TNPO2: variants seen among roughly 807,000 people sequenced by gnomAD.
TNPO2 encodes the protein transportin 2.
TNPO2 carries 16 observed loss-of-function variants against 111.1 expected under a neutral mutation model. The ratio of observed to expected loss-of-function variants is 0.14; its 90% CI spans 0.10 to 0.22. The LOEUF is 0.22. Among genes scored for constraint, TNPO2 ranks in the 10% least tolerant of loss-of-function variants. The pLI is 1.00. For synonymous variants in TNPO2, 481 were observed against 475.8 expected, an observed-to-expected ratio of 1.01 and a Z score of -0.14; for missense variants, 530 against 1,173.7, an observed-to-expected ratio of 0.45 and a Z score of 8.01.
chr19:12,703,822 A>G (rs766126269), intron 18 of TNPO2, 21 bp from the exon 19 acceptor site: 3 of 1,557,294 alleles, frequency 1.9e-6, no homozygotes, highest in Admixed American at 1.9e-5. Flanking sequence ...AAGTAAGATC[A>G]GTGTGGCTAG....
chr19:12,719,461 T>C lies in TNPO2; in HGVS notation c.100-125A>G, dbSNP rs927561252. The C allele has an allele frequency of 1.7e-5, 13 of 778,016 alleles. No individual in the cohort carries two copies. In the African/African-American group the frequency reaches 1.9e-4, roughly 11 times the overall value. The allele number at this position is 778,016 out of a possible 1,614,324, so 48.2% of individuals were successfully genotyped here. A position where few individuals can be genotyped will look rare whatever the true frequency, so the allele number is the denominator to read the frequency against. ...CCAGCTCCTGGGGGATCCCGCTCCCTAATAAGCCCACAATGACACAGAGCA... is the reference window on the plus strand; with the variant it reads ...CCAGCTCCTGGGGGATCCCGCTCCCCAATAAGCCCACAATGACACAGAGCA... On this transcript the variant is annotated intron_variant, in intron 3 of 25. Transcript: ENST00000425528. The surrounding 1 kb of genome is among the most constrained non-coding windows in gnomAD (Gnocchi z 5.0).
At position 12,699,580 on chromosome 19, in the gene TNPO2, T is replaced by C. The variant is rs2025185105; in HGVS notation, c.*1684A>G. The C allele has an allele frequency of 1.3e-5, 2 of 150,526 alleles. No homozygotes were observed. The highest frequency in any genetic ancestry group is 2.9e-5 in the Non-Finnish European group (2 of 67,980). 9.3% of individuals were successfully genotyped at this position (150,526 alleles called of 1,614,324 possible). On this transcript the variant is annotated 3_prime_UTR_variant, in exon 26 of 26. Coordinates refer to ENST00000425528, the MANE Select transcript of TNPO2 (RefSeq NM_001382241.1). ...CCAATCCCATCAGACAGCCAATCCA[T>C]CCACACACCCCAAGACCCAGCAGAG...
chr19:12,715,596 C>A lies in TNPO2; in HGVS notation c.432+37G>T. Reference sequence around the variant, plus strand: ...GTGGTGGGTGGTGGTCCCAGCCCCCCAGTACTCGCTCTGGCCATCCATGGC... The same window carrying A: ...GTGGTGGGTGGTGGTCCCAGCCCCCAAGTACTCGCTCTGGCCATCCATGGC... On this transcript the variant is annotated intron_variant, in intron 6 of 25. Coordinates refer to ENST00000425528, the MANE Select transcript of TNPO2 (RefSeq NM_001382241.1). This position sits in a 1 kb window ranked among gnomAD's most constrained non-coding sequence, Gnocchi z 7.1. 1.2e-6 allele frequency: 2 copies of A among 1,613,548 alleles called. No homozygotes were observed. The highest frequency in any genetic ancestry group is 8.5e-7 in the Non-Finnish European group (1 of 1,179,622).
At chr19:12,714,039 A>T (rs6511835) in intron 10 of TNPO2, among the ~76,000 whole-genome samples, 1 of 152,068 alleles carries the variant, frequency 6.6e-6, no homozygotes, top group East Asian at 1.9e-4. Context: ...AAAATAAAAA[A>T]GAAAAAAATG....
chr19:12,705,158 G>T lies in TNPO2; in HGVS notation c.2022+82C>A. The T allele has an allele frequency of 7.2e-7, 1 of 1,390,800 alleles. No individual in the cohort carries two copies. The highest frequency in any genetic ancestry group is 9.9e-7 in the Non-Finnish European group (1 of 1,012,072). 86.2% of individuals were successfully genotyped at this position (1,390,800 alleles called of 1,614,324 possible). A position where few individuals can be genotyped will look rare whatever the true frequency, so the allele number is the denominator to read the frequency against. ...AGCACCTTTTCCCTGATTTCCTTTG[G>T]GCACAACCAGGCCCTGACTCCCCAC... On this transcript the variant is annotated intron_variant, in intron 18 of 25. Transcript: ENST00000425528. The surrounding 1 kb of genome is among the most constrained non-coding windows in gnomAD (Gnocchi z 7.2).
At chr19:12,708,429 G>GA (rs1330852587) in intron 13 of TNPO2, among the ~76,000 whole-genome samples, 1 of 146,770 alleles carries the variant, frequency 6.8e-6, no homozygotes, top group South Asian at 2.3e-4. Flanking sequence ...ACCACACCCA[G>GA]GGTTTTTTTT....
intron 13 of TNPO2, among the ~76,000 whole-genome samples, chr19:12,710,367 TATC>T (rs888286559): frequency 2.6e-5 from 4 of 152,194 alleles, no homozygotes; most frequent in Admixed American, 6.5e-5. Context: ...CTGCTGTTAT[TATC>T]ATTGTTGCTG....
chr19:12,705,302 C>T lies in TNPO2; in HGVS notation c.1960G>A (p.Gly654Ser), dbSNP rs759146870. Reference protein sequence around the residue: ...LLSGLAEGLGGHVEQLVARSN... With the variant: ...LLSGLAEGLGSHVEQLVARSN... ...CGGGCCACCAGCTGCTCCACGTGACCACCCAGGCCCTCGGCCAGGCCGCTG... is the reference window on the plus strand; with the variant it reads ...CGGGCCACCAGCTGCTCCACGTGACTACCCAGGCCCTCGGCCAGGCCGCTG... The change falls in exon 18 of 26, where the codon GGT becomes AGT. Residue 654 changes from glycine to serine, a missense_variant. By Grantham distance (56) the Gly-to-Ser change is moderately conservative (BLOSUM62 0). Transcript: ENST00000425528. This position sits in a 1 kb window ranked among gnomAD's most constrained non-coding sequence, Gnocchi z 7.2. 13 of 1,601,452 alleles carry T rather than the reference C, an allele frequency of 8.1e-6. No homozygotes were observed. Among genetic ancestry groups the T allele is most frequent in the Non-Finnish European group, 1.1e-5 (13 of 1,174,304 alleles).
intron 10 of TNPO2, among the ~76,000 whole-genome samples, chr19:12,713,406 A>G (rs1412055981): frequency 6.6e-6 from 1 of 152,088 alleles, no homozygotes; most frequent in East Asian, 1.9e-4. Context: ...TTGGGAGACC[A>G]ATGCAGGAGG....
At chr19:12,712,147 G>A (rs1327804408) in intron 10 of TNPO2, among the ~76,000 whole-genome samples, 1 of 152,214 alleles carries the variant, frequency 6.6e-6, no homozygotes, top group East Asian at 1.9e-4. Flanking sequence ...AGGGGACATA[G>A]TGAGGTGTGA....
rs1308587468 is a variant in TNPO2, at chr19:12,705,787, A to G, written c.1669-19T>C. On this transcript the variant is annotated intron_variant, in intron 15 of 25. Transcript: ENST00000425528. This position sits in a 1 kb window ranked among gnomAD's most constrained non-coding sequence, Gnocchi z 7.2. ...TGTATTCCTGGAGAGGGAGCACGAA[A>G]TGGGCGCTCCCTGGGTCGGGGTGGC... 5.5e-6 allele frequency: 8 copies of G among 1,444,512 alleles called. No individual in the cohort carries two copies. In the African/African-American group the frequency reaches 1.0e-4, roughly 18 times the overall value. The allele number at this position is 1,444,512 out of a possible 1,614,324, so 89.5% of individuals were successfully genotyped here. A position where few individuals can be genotyped will look rare whatever the true frequency, so the allele number is the denominator to read the frequency against.
At chr19:12,717,068 C>T (rs139714330) in intron 5 of TNPO2, among the ~76,000 whole-genome samples, 160 of 152,082 alleles carry the variant, frequency 1.1e-3, no homozygotes, top group African/African-American at 3.8e-3. Flanking sequence ...ATGGTATTTG[C>T]TGCCATGAGA....
At position 12,720,801 on chromosome 19, in the gene TNPO2, C is replaced by A; in HGVS notation, c.99+78G>T. The A allele has an allele frequency of 6.2e-6, 9 of 1,462,316 alleles. No homozygotes were observed. In the Admixed American group the frequency reaches 9.5e-5, roughly 15 times the overall value. The allele number at this position is 1,462,316 out of a possible 1,614,324, so 90.6% of individuals were successfully genotyped here. ...AATCTGGGGACTAGGGGAGTCAGTC[C>A]CTCTCTTTCTCTCTCTGGCCTTTGG... On this transcript the variant is annotated intron_variant, in intron 3 of 25. Coordinates refer to ENST00000425528, the MANE Select transcript of TNPO2 (RefSeq NM_001382241.1).
At chr19:12,711,216 C>T in intron 12 of TNPO2, 80 bp downstream of exon 12, 1 of 1,546,920 alleles carries the variant, frequency 6.5e-7, no homozygotes, top group Non-Finnish European at 8.7e-7. Flanking sequence ...TAATCAGCTT[C>T]TGCCTCAGCT....
intron 2 of TNPO2, chr19:12,722,438 G>C (rs1274313037): frequency 1.3e-5 from 2 of 150,734 alleles, no homozygotes; most frequent in Admixed American, 1.3e-4. Flanking sequence ...GACGCAAGCC[G>C]GGGCCAAGAG....
intron 12 of TNPO2, 129 bp downstream of exon 12, chr19:12,711,167 T>C (rs1363863473): frequency 5.6e-6 from 7 of 1,249,376 alleles, no homozygotes; most frequent in Admixed American, 2.1e-5. Flanking sequence ...GTGCTGGGAT[T>C]ACAGGCGTAA....
rs1391567186 is a variant in TNPO2, at chr19:12,706,297, G to A, written c.1567C>T (p.Leu523Phe). 2 of 1,613,918 alleles carry A rather than the reference G, an allele frequency of 1.2e-6. No homozygotes were observed. Among genetic ancestry groups the A allele is most frequent in the Non-Finnish European group, 1.7e-6 (2 of 1,179,900 alleles). ...TGGTATTTCCCAAAGGCAAAGACAA[G>A]GGTGTCCAGGATGTAGCTGAGGTAG... ...VPYLSYILDT[L>F]VFAFGKYQHK... Residue 523 changes from leucine to phenylalanine, a missense_variant, in exon 15 of 26, where the codon CTT becomes TTT. Transcript: ENST00000425528. This position sits in a 1 kb window ranked among gnomAD's most constrained non-coding sequence, Gnocchi z 7.0.
In TNPO2 at chr19:12,701,667, A is replaced by G. The variant is rs752231361; in HGVS notation, c.2517T>C (p.Phe839=). The change falls in exon 24 of 26, where the codon TTT becomes TTC. Residue 839 remains phenylalanine (F), a synonymous_variant. Coordinates refer to ENST00000425528, the MANE Select transcript of TNPO2 (RefSeq NM_001382241.1). The surrounding 1 kb of genome is among the most constrained non-coding windows in gnomAD (Gnocchi z 5.0). ...GVNPGGVVQD[F]IFFCDAVASW... is the part of the protein sequence containing the mutation. ...AGGCTACAGCATCGCAGAAGAAAAT[A>G]AAGTCCTGAAACGTGACGGATCCCA... 6.2e-7 allele frequency: 1 copy of G among 1,613,812 alleles called. No homozygotes were observed. Among genetic ancestry groups the G allele is most frequent in the Non-Finnish European group, 8.5e-7 (1 of 1,179,868 alleles).
At chr19:12,704,141 C>A (rs1599407808) in intron 18 of TNPO2, among the ~76,000 whole-genome samples, 1 of 152,186 alleles carries the variant, frequency 6.6e-6, no homozygotes, top group Non-Finnish European at 1.5e-5. Context: ...CCGAGGCAGG[C>A]AGATCACTTG....
Sources: allele counts gnomAD v4.1 joint callset (sites outside exome capture counted in the v4.1 genomes callset), GRCh38; gene constraint gnomAD v4.1.1; non-coding constraint Gnocchi (gnomAD v3.1); transcripts MANE v1.5; gene names NCBI Gene and HGNC (gene_info 2026-07-23, HGNC 2026-07-21).